The following ZFP36L1 variants were observed in gnomAD, a reference collection of about 807,000 sequenced individuals.
ZFP36L1 encodes ZFP36 like 1 zinc finger CCCH-type, also known as mRNA decay activator protein ZFP36L1.
Under a neutral mutation model 16.7 loss-of-function variants are expected in ZFP36L1, and 4 were observed. The observed-to-expected ratio is 0.24, with a 90% CI of 0.12 to 0.55. ZFP36L1 has a LOEUF of 0.55. Among genes scored for constraint, ZFP36L1 ranks in the 20% least tolerant of loss-of-function variants. The pLI, the probability that ZFP36L1 is intolerant of heterozygous loss-of-function variation, is 0.94. For synonymous variants in ZFP36L1, 220 were observed against 190.8 expected, an observed-to-expected ratio of 1.15 and a Z score of -1.26; for missense variants, 311 against 449.2, an observed-to-expected ratio of 0.69 and a Z score of 2.78.
At chr14:68,793,445 C>T (rs1895165484), upstream of ZFP36L1, 1 of 994,678 alleles carries the variant, frequency 1.0e-6, no homozygotes, top group Non-Finnish European at 1.2e-6. Context: ...CCTTTGTCAG[C>T]CTCAGAGCGC....
upstream of ZFP36L1, chr14:68,795,935 G>T (rs764197478): frequency 7.6e-6 from 9 of 1,180,366 alleles, no homozygotes; most frequent in Non-Finnish European, 1.1e-5. Flanking sequence ...GTCGACAGGT[G>T]CCCAGGGGTG....
At chr14:68,795,850 A>G (rs753655776), upstream of ZFP36L1, 1 of 555,276 alleles carries the variant, frequency 1.8e-6, no homozygotes. Context: ...GAGTCCCTTA[A>G]CCCTTCGCTG....
chr14:68,787,974 T>C lies in ZFP36L1; in HGVS notation c.*1559A>G, dbSNP rs1894958892. ...TTTAGAAGCTATACATAAAAAGTTG[T>C]TTTCCTTCTGTACTGTCACAGAACT... On this transcript the variant is annotated 3_prime_UTR_variant, in exon 2 of 2. Coordinates refer to ENST00000439696, the MANE Select transcript of ZFP36L1 (RefSeq NM_004926.4). 6.6e-6 allele frequency: 1 copy of C among 152,474 alleles called. No individual in the cohort carries two copies. The highest frequency in any genetic ancestry group is 2.4e-5 in the African/African-American group (1 of 41,378). 9.4% of individuals were successfully genotyped at this position (152,474 alleles called of 1,614,324 possible). A position where few individuals can be genotyped will look rare whatever the true frequency, so the allele number is the denominator to read the frequency against.
chr14:68,792,819 G>T, intron 1 of ZFP36L1, 63 bp downstream of exon 1: 1 of 1,609,058 alleles, frequency 6.2e-7, no homozygotes, highest in South Asian at 1.1e-5. Context: ...AAACTTTTGG[G>T]GGTTCTTTCT....
In ZFP36L1 at chr14:68,789,728, C is replaced by T. The variant is rs773937725; in HGVS notation, c.822G>A (p.Pro274=). 1 of 1,613,914 alleles carries T rather than the reference C, an allele frequency of 6.2e-7. No homozygotes were observed. The highest frequency in any genetic ancestry group is 8.5e-7 in the Non-Finnish European group (1 of 1,179,954). Residue 274 remains proline, a synonymous_variant, in exon 2 of 2, where the codon CCG becomes CCA. Transcript: ENST00000439696. This position sits in a 1 kb window ranked among gnomAD's most constrained non-coding sequence, Gnocchi z 4.5. ...ACATGGGCCGGAAGAGGAAGGTGGT[C>T]GGGGAGCCACCCCCGGGCAGCCCCA... The part of the protein sequence containing the change: ...PSMGLPGGGS[P]TTFLFRPMSE...
intron 1 of ZFP36L1, 24 bp downstream of exon 1, chr14:68,792,858 A>G (rs1895137927): frequency 1.2e-6 from 2 of 1,613,998 alleles, no homozygotes; most frequent in Non-Finnish European, 8.5e-7. Flanking sequence ...CTTTTTGAAA[A>G]GCAAATGCTC....
At chr14:68,793,974 TTTTACCAGGCC>T (rs1056673464), upstream of ZFP36L1, 9 of 972,928 alleles carry the variant, frequency 9.3e-6, no homozygotes, top group African/African-American at 1.4e-4. Context: ...CGATTGTTTG[TTTTACCAGGCC>T]TAGGCGTGCC....
In ZFP36L1 at chr14:68,789,399, C is replaced by CTGGG. The variant is rs1895002768; in HGVS notation, c.*130_*133dup. 7.4e-7 allele frequency: 1 copy of CTGGG among 1,357,716 alleles called. No homozygotes were observed. Among genetic ancestry groups the CTGGG allele is most frequent in the Non-Finnish European group, 1.0e-6 (1 of 994,652 alleles). 84.1% of individuals were successfully genotyped at this position (1,357,716 alleles called of 1,614,324 possible). On this transcript the variant is annotated 3_prime_UTR_variant, in exon 2 of 2. Transcript: ENST00000439696. The surrounding 1 kb of genome is among the most constrained non-coding windows in gnomAD (Gnocchi z 4.5). ...GAGAGGGAGGGCACATTCTGAGGTG[C>CTGGG]TGGGGGAAAGGGGTTGAGCTTAACC... is the stretch of plus-strand genomic sequence containing the variant.
rs1443522013 is a variant in ZFP36L1, at chr14:68,789,770, G to A, written c.780C>T (p.Ser260=). The A allele has an allele frequency of 6.2e-7, 1 of 1,613,914 alleles. No homozygotes were observed. Among genetic ancestry groups the A allele is most frequent in the Non-Finnish European group, 8.5e-7 (1 of 1,179,984 alleles). ...GCAGCCCCATGCTAGGGGCAAAGAGGCTTGCCAGCTCCTGGCTGGAGAAGG... is the reference window on the plus strand; with the variant it reads ...GCAGCCCCATGCTAGGGGCAAAGAGACTTGCCAGCTCCTGGCTGGAGAAGG... ...PFAFSSQELA[S]LFAPSMGLPG... is the part of the protein sequence containing the mutation. The change falls in exon 2 of 2, where the codon AGC becomes AGT. Residue 260 remains serine (S), a synonymous_variant. Transcript: ENST00000439696. This position sits in a 1 kb window ranked among gnomAD's most constrained non-coding sequence, Gnocchi z 4.5.
At position 68,790,472 on chromosome 14, in the gene ZFP36L1, A is replaced by G. The variant is rs1895040065; in HGVS notation, c.78T>C (p.Tyr26=). The G allele has an allele frequency of 1.9e-6, 3 of 1,614,074 alleles. No homozygotes were observed. Among genetic ancestry groups the G allele is most frequent in the South Asian group, 1.1e-5 (1 of 91,068 alleles). Residue 26 remains tyrosine, a synonymous_variant, in exon 2 of 2, where the codon TAT becomes TAC. Transcript: ENST00000439696. ...GGCAACCCCCTGCACTGGGAGCACT[A>G]TAGTTGAGCATCTTGTTACCCTGGA... is the stretch of plus-strand genomic sequence containing the variant. The part of the protein sequence containing the change: ...VLCKGNKMLN[Y]SAPSAGGCLL...
intron 1 of ZFP36L1, chr14:68,791,212 GC>G: frequency 5.2e-6 from 3 of 574,524 alleles, no homozygotes; most frequent in Non-Finnish European, 6.2e-6. Context: ...AGCCCACCCC[GC>G]CCCCTTCACT....
chr14:68,795,421 G>A (rs575470814), upstream of ZFP36L1, among the ~76,000 whole-genome samples: 1 of 152,238 alleles, frequency 6.6e-6, no homozygotes, highest in African/African-American at 2.4e-5. Context: ...AGGGGAAGGG[G>A]ACTGGGAGCG....
intron 1 of ZFP36L1, among the ~76,000 whole-genome samples, chr14:68,791,902 A>C (rs546719092): frequency 6.6e-6 from 1 of 152,270 alleles, no homozygotes; most frequent in African/African-American, 2.4e-5. Flanking sequence ...AGCTGGGAAA[A>C]CAGAGCAACA....
At chr14:68,794,438 GTT>G (rs1193862465), upstream of ZFP36L1, 1 of 152,232 alleles carries the variant, frequency 6.6e-6, no homozygotes, top group Admixed American at 6.5e-5. Flanking sequence ...CAAATAAAAA[GTT>G]AACGAGTCCC....
At chr14:68,793,477 A>T (rs992624593), upstream of ZFP36L1, 4 of 986,992 alleles carry the variant, frequency 4.1e-6, no homozygotes, top group Admixed American at 6.0e-5. Flanking sequence ...CACTCATTCC[A>T]CTCCCTCCGG....
At chr14:68,796,096 G>A (rs754157659), upstream of ZFP36L1, 5 of 1,361,540 alleles carry the variant, frequency 3.7e-6, no homozygotes, top group African/African-American at 1.5e-5. Flanking sequence ...CTTCCGACCG[G>A]GAGGCGGTGG....
In ZFP36L1 at chr14:68,789,794, G is replaced by A. The variant is rs746245985; in HGVS notation, c.756C>T (p.Ala252=). The stretch of plus-strand genomic sequence containing the variant: ...GGCTTGCCAGCTCCTGGCTGGAGAA[G>A]GCAAAAGGGTTATTGGTGCCATCGG... ...TLPDGTNNPF[A]FSSQELASLF... Residue 252 remains alanine (A), a synonymous_variant, in exon 2 of 2, where the codon GCC becomes GCT. Transcript: ENST00000439696. This position sits in a 1 kb window ranked among gnomAD's most constrained non-coding sequence, Gnocchi z 4.5. 9 of 1,613,742 alleles carry A rather than the reference G, an allele frequency of 5.6e-6. No homozygotes were observed. The highest frequency in any genetic ancestry group is 5.5e-5 in the South Asian group (5 of 91,090).
chr14:68,789,860 A>G lies in ZFP36L1; in HGVS notation c.690T>C (p.Pro230=). The G allele has an allele frequency of 6.2e-7, 1 of 1,610,764 alleles. No homozygotes were observed. The highest frequency in any genetic ancestry group is 8.5e-7 in the Non-Finnish European group (1 of 1,179,974). Residue 230 remains proline, a synonymous_variant, in exon 2 of 2, where the codon CCT becomes CCC. Transcript: ENST00000439696. This position sits in a 1 kb window ranked among gnomAD's most constrained non-coding sequence, Gnocchi z 4.5. ...LDSPTSITPP[P]ILSADDLLGS... is the part of the protein sequence containing the mutation. ...CCAGGAGGTCATCGGCGCTCAGAAT[A>G]GGGGGTGGGGTGATGGACGTGGGGC...
At chr14:68,794,674 C>T (rs1372920136), upstream of ZFP36L1, 1 of 152,394 alleles carries the variant, frequency 6.6e-6, no homozygotes, top group Non-Finnish European at 1.5e-5. Flanking sequence ...CCATTATGAG[C>T]ACGTTTCTTT....
Sources: allele counts gnomAD v4.1 joint callset (sites outside exome capture counted in the v4.1 genomes callset), GRCh38; gene constraint gnomAD v4.1.1; non-coding constraint Gnocchi (gnomAD v3.1); transcripts MANE v1.5; gene names NCBI Gene and HGNC (gene_info 2026-07-23, HGNC 2026-07-21).